GRID2: variants seen among roughly 807,000 people sequenced by gnomAD.
The protein encoded by GRID2 is glutamate ionotropic receptor delta type subunit 2.
Under a neutral mutation model 114.8 loss-of-function variants are expected in GRID2, and 33 were observed. The ratio of observed to expected loss-of-function variants is 0.29; its 90% CI spans 0.22 to 0.38. The LOEUF is 0.38. Ranked by LOEUF, GRID2 falls within the 10% of genes least tolerant of loss-of-function variation. The pLI, the probability that GRID2 is intolerant of heterozygous loss-of-function variation, is 1.00. For synonymous variants in GRID2, 505 were observed against 449.9 expected (o/e 1.12, Z -1.55); for missense variants, 1,184 against 1,257.7 (o/e 0.94, Z 0.89).
intron 2 of GRID2, among the ~76,000 whole-genome samples, chr4:92,709,377 TTAAGA>T (rs1243766964): frequency 6.6e-6 from 1 of 151,852 alleles, no homozygotes; most frequent in African/African-American, 2.4e-5. Context: ...ACGAAGATGA[TTAAGA>T]TAAATCAGCT....
intron 8 of GRID2, among the ~76,000 whole-genome samples, chr4:93,287,262 T>G (rs965128415): frequency 2.6e-5 from 4 of 152,200 alleles, no homozygotes; most frequent in Non-Finnish European, 5.9e-5. Context: ...TAGTTTTTAC[T>G]ATTTATGAGA....
At chr4:92,374,163 TC>T (rs1729247052) in intron 1 of GRID2, among the ~76,000 whole-genome samples, 2 of 152,190 alleles carry the variant, frequency 1.3e-5, no homozygotes, top group Middle Eastern at 3.4e-3. Flanking sequence ...TCATTATGCT[TC>T]CCAAGCATTA....
chr4:93,114,169 A>G (rs1483412142), intron 4 of GRID2, among the ~76,000 whole-genome samples: 1 of 152,122 alleles, frequency 6.6e-6, no homozygotes, highest in Non-Finnish European at 1.5e-5. Context: ...CTAAGACCCC[A>G]GAGTGTTAGA....
At chr4:92,897,210 G>C (rs750567688) in intron 2 of GRID2, among the ~76,000 whole-genome samples, 38 of 145,982 alleles carry the variant, frequency 2.6e-4, no homozygotes, top group Non-Finnish European at 4.0e-4. Flanking sequence ...GCCTGCAATG[G>C]TGCTGAATCA....
At chr4:92,494,419 T>C (rs1301817215) in intron 1 of GRID2, among the ~76,000 whole-genome samples, 1 of 152,070 alleles carries the variant, frequency 6.6e-6, no homozygotes, top group Non-Finnish European at 1.5e-5. Flanking sequence ...GTATTAGAAT[T>C]AGCTTACATT....
chr4:93,390,558 A>G (rs984004024), intron 8 of GRID2, among the ~76,000 whole-genome samples: 5 of 152,204 alleles, frequency 3.3e-5, no homozygotes, highest in Non-Finnish European at 7.3e-5. Context: ...AGTAAGTGTT[A>G]GAACAGGTAC....
chr4:92,646,529 G>C (rs1252857091), intron 2 of GRID2, among the ~76,000 whole-genome samples: 2 of 151,562 alleles, frequency 1.3e-5, no homozygotes, highest in Non-Finnish European at 2.9e-5. Context: ...TTTTCATCTA[G>C]AAATGCTATA....
chr4:93,073,329 T>C (rs571575817), intron 2 of GRID2, among the ~76,000 whole-genome samples: 5 of 152,306 alleles, frequency 3.3e-5, no homozygotes, highest in African/African-American at 1.2e-4. Context: ...TGTAAACTTA[T>C]GGTATTGAAG....
rs1363471163 is a variant in GRID2 at position 93,275,437 on chromosome 4, T to C, written c.1245+36947T>C. Among the ~76,000 whole-genome samples, 3 of 151,460 alleles carry C rather than the reference T, an allele frequency of 2.0e-5. No homozygotes were observed. In the Admixed American group the frequency reaches 2.0e-4, roughly 10 times the overall value. On this transcript the variant is annotated intron_variant, in intron 8 of 15. Coordinates refer to ENST00000282020, the MANE Select transcript of GRID2 (RefSeq NM_001510.4). ...CATTTCTGTTGGATATATACATATA[T>C]ATATATATATATACCTAGGAATAGA...
intron 2 of GRID2, among the ~76,000 whole-genome samples, chr4:92,937,318 T>C (rs1750748389): frequency 6.8e-6 from 1 of 146,902 alleles, no homozygotes; most frequent in Admixed American, 7.4e-5. Context: ...TTTTATAGTT[T>C]TAGCACTTAT....
intron 8 of GRID2, among the ~76,000 whole-genome samples, chr4:93,362,953 C>A (rs1762010439): frequency 6.6e-6 from 1 of 152,180 alleles, no homozygotes; most frequent in African/African-American, 2.4e-5. Context: ...GGCACGGTGG[C>A]TCACACCTGT....
At chr4:92,619,096 T>C (rs1003968410) in intron 2 of GRID2, among the ~76,000 whole-genome samples, 5 of 151,680 alleles carry the variant, frequency 3.3e-5, no homozygotes, top group Non-Finnish European at 4.4e-5. Context: ...TGCTTTTGAG[T>C]CACTATAGCT....
At chr4:92,736,530 A>C (rs577867448) in intron 2 of GRID2, among the ~76,000 whole-genome samples, 1 of 152,216 alleles carries the variant, frequency 6.6e-6, no homozygotes, top group East Asian at 1.9e-4. Flanking sequence ...ATTCTTACCT[A>C]TTTATTCCTT....
At chr4:93,478,338 C>A (rs1207059027) in intron 11 of GRID2, among the ~76,000 whole-genome samples, 1 of 152,056 alleles carries the variant, frequency 6.6e-6, no homozygotes, top group Middle Eastern at 3.4e-3. Flanking sequence ...TAGCATTTTT[C>A]ATATCTGCTC....
At chr4:92,918,071 C>G (rs910553554) in intron 2 of GRID2, among the ~76,000 whole-genome samples, 2 of 152,092 alleles carry the variant, frequency 1.3e-5, no homozygotes, top group African/African-American at 4.8e-5. Flanking sequence ...CTTCACATCC[C>G]TTGTAAGTTG....
chr4:92,794,905 T>TATATATATATATATAC lies in GRID2; in HGVS notation c.244+204620_244+204621insTATATATATATATACA, dbSNP rs745392261. On this transcript the variant is annotated intron_variant, in intron 2 of 15. Coordinates refer to ENST00000282020, the MANE Select transcript of GRID2 (RefSeq NM_001510.4). ...ATATATATATATATATATATATATA[T>TATATATATATATATAC]ACACACACACACACACACACATATC... is the stretch of plus-strand genomic sequence containing the variant. Among the ~76,000 whole-genome samples the TATATATATATATATAC allele has an allele frequency of 1.2e-3, 151 of 127,732 alleles. 1 individual carries two copies. The highest frequency in any genetic ancestry group is 4.2e-3 in the Middle Eastern group (1 of 240). The allele number at this position is 127,732 out of a possible 152,430, so 83.8% of individuals were successfully genotyped here.
At chr4:93,321,189 CT>C in intron 8 of GRID2, among the ~76,000 whole-genome samples, 1 of 152,100 alleles carries the variant, frequency 6.6e-6, no homozygotes, top group East Asian at 1.9e-4. Context: ...TTCTTGGCAG[CT>C]GGGAGAATAA....
intron 1 of GRID2, among the ~76,000 whole-genome samples, chr4:92,524,747 G>A (rs2149143337): frequency 6.6e-6 from 1 of 152,044 alleles, no homozygotes; most frequent in Non-Finnish European, 1.5e-5. Flanking sequence ...GAGAGTGGGA[G>A]TGAAAACCTA....
chr4:93,490,756 C>A lies in GRID2; in HGVS notation c.1976C>A (p.Thr659Lys). The change falls in exon 12 of 16, where the codon ACA becomes AAA. Residue 659 changes from threonine (T) to lysine (K), a missense_variant. Physicochemically the swap from Thr to Lys is moderately conservative, Grantham distance 78. Coordinates refer to ENST00000282020, the MANE Select transcript of GRID2 (RefSeq NM_001510.4). ...AACCTCGCTGCTTTCCTCACTATTA[C>A]ACGCATTGAAAGTTCCATCCAGTAA... Reference protein sequence around the residue: ...TANLAAFLTITRIESSIQSLQ... With the variant: ...TANLAAFLTIKRIESSIQSLQ... 1 of 1,609,288 alleles carries A rather than the reference C, an allele frequency of 6.2e-7. No individual in the cohort carries two copies. Among genetic ancestry groups the A allele is most frequent in the East Asian group, 2.2e-5 (1 of 44,730 alleles).
Sources: gnomAD v4.1 joint callset for allele counts (sites outside exome capture counted in the v4.1 genomes callset) on GRCh38, gnomAD v4.1.1 for gene constraint, MANE v1.5 for transcripts, NCBI Gene and HGNC (gene_info 2026-07-23, HGNC 2026-07-21) for gene names.